Variants in TBC1D22B observed in about 807,000 individuals in gnomAD.
The protein encoded by TBC1D22B is TBC1 domain family member 22B, also known as chromosome 6 open reading frame 197.
Under a neutral mutation model 69.1 loss-of-function variants are expected in TBC1D22B, and 32 were observed. The ratio of observed to expected loss-of-function variants is 0.46; its 90% CI spans 0.35 to 0.62. The LOEUF is 0.62. Ranked by LOEUF, TBC1D22B falls within the 20% of genes least tolerant of loss-of-function variation. The pLI is 0.00. For synonymous variants in TBC1D22B, 206 were observed against 229.8 expected (o/e 0.90, Z 0.94); for missense variants, 462 against 630.9 (o/e 0.73, Z 2.87).
chr6:37,303,754 T>C (rs1444721189), intron 8 of TBC1D22B, among the ~76,000 whole-genome samples: 2 of 152,186 alleles, frequency 1.3e-5, no homozygotes, highest in Admixed American at 6.5e-5. Flanking sequence ...CCTCTTTATC[T>C]CCTGAGCTAA....
chr6:37,299,729 G>C (rs1767504198), intron 8 of TBC1D22B, among the ~76,000 whole-genome samples: 1 of 152,164 alleles, frequency 6.6e-6, no homozygotes, highest in African/African-American at 2.4e-5. Context: ...AAAAATACTG[G>C]CCGGGCATGG....
intron 8 of TBC1D22B, among the ~76,000 whole-genome samples, chr6:37,295,248 G>T (rs1460210378): frequency 1.3e-5 from 2 of 152,002 alleles, no homozygotes; most frequent in African/African-American, 4.8e-5. Flanking sequence ...GGGACTACAG[G>T]TGTGCGCCAC....
intron 8 of TBC1D22B, among the ~76,000 whole-genome samples, chr6:37,308,927 A>G (rs1212379927): frequency 7.4e-6 from 1 of 135,882 alleles, no homozygotes; most frequent in Non-Finnish European, 1.6e-5. Flanking sequence ...TAGGCAATAT[A>G]GTAAGATCCT....
At chr6:37,330,847 G>A (rs1425376406) in intron 12 of TBC1D22B, among the ~76,000 whole-genome samples, 197 bp from the exon 13 acceptor site, 1 of 152,094 alleles carries the variant, frequency 6.6e-6, no homozygotes, top group Non-Finnish European at 1.5e-5. Context: ...TAGAGAATCA[G>A]CAGAGGCTTT....
intron 7 of TBC1D22B, among the ~76,000 whole-genome samples, chr6:37,287,891 G>C (rs1229724325): frequency 6.6e-6 from 1 of 152,180 alleles, no homozygotes; most frequent in Non-Finnish European, 1.5e-5. Context: ...TATATATTTA[G>C]AAGTGGGAGT....
At chr6:37,270,779 A>T (rs1766461721) in intron 2 of TBC1D22B, among the ~76,000 whole-genome samples, 1 of 152,178 alleles carries the variant, frequency 6.6e-6, no homozygotes. Context: ...GGAGATGCAG[A>T]CCTAGGTTCT....
intron 12 of TBC1D22B, among the ~76,000 whole-genome samples, chr6:37,322,050 T>C (rs1279122241): frequency 6.6e-6 from 1 of 152,188 alleles, no homozygotes; most frequent in African/African-American, 2.4e-5. Context: ...TCTACCCATT[T>C]TGATGTGGGT....
intron 8 of TBC1D22B, among the ~76,000 whole-genome samples, chr6:37,305,873 C>T (rs1767702548): frequency 6.6e-6 from 1 of 152,128 alleles, no homozygotes; most frequent in South Asian, 2.1e-4. Flanking sequence ...TAAGAATTTT[C>T]CACTTTAATG....
intron 8 of TBC1D22B, among the ~76,000 whole-genome samples, chr6:37,293,154 AGCAACCTCC>A (rs1767246147): frequency 6.7e-6 from 1 of 150,332 alleles, no homozygotes; most frequent in Non-Finnish European, 1.5e-5. Flanking sequence ...CTCGGCTCAC[AGCAACCTCC>A]GCTGCCCGGG....
At chr6:37,287,110 C>A in intron 7 of TBC1D22B, 38 bp downstream of exon 7, 2 of 1,544,156 alleles carry the variant, frequency 1.3e-6, no homozygotes, top group Non-Finnish European at 1.8e-6. Flanking sequence ...CGCTTCTCCC[C>A]GCATAGTTCT....
At chr6:37,280,478 A>G (rs1339508938) in intron 3 of TBC1D22B, among the ~76,000 whole-genome samples, 4 of 152,180 alleles carry the variant, frequency 2.6e-5, no homozygotes, top group African/African-American at 9.7e-5. Flanking sequence ...GTTATTTTCC[A>G]TCACTGATTT....
chr6:37,273,202 A>C (rs2113726368), intron 2 of TBC1D22B, among the ~76,000 whole-genome samples: 1 of 151,470 alleles, frequency 6.6e-6, no homozygotes, highest in East Asian at 1.9e-4. Context: ...AAAAAAAAAA[A>C]AAACGAGAAT....
chr6:37,301,257 C>A (rs147791476), intron 8 of TBC1D22B, among the ~76,000 whole-genome samples: 1 of 152,208 alleles, frequency 6.6e-6, no homozygotes, highest in Non-Finnish European at 1.5e-5. Context: ...GGATGTACTT[C>A]GTGTGCCAGA....
At chr6:37,262,250 TTGAACTCTTGACCTCAAG>T (rs1766131264) in intron 1 of TBC1D22B, among the ~76,000 whole-genome samples, 1 of 152,044 alleles carries the variant, frequency 6.6e-6, no homozygotes, top group African/African-American at 2.4e-5. Context: ...CAGGCTGGTC[TTGAACTCTTGACCTCAAG>T]TGATCTCTTG....
intron 1 of TBC1D22B, among the ~76,000 whole-genome samples, chr6:37,262,871 T>C (rs140102699): frequency 1.1e-3 from 168 of 152,366 alleles, no homozygotes; most frequent in Middle Eastern, 3.4e-3. Flanking sequence ...ATGTTTGCAC[T>C]GTTTCAACTA....
intron 12 of TBC1D22B, among the ~76,000 whole-genome samples, chr6:37,329,515 C>T (rs537800907): frequency 6.6e-6 from 1 of 152,324 alleles, no homozygotes; most frequent in Admixed American, 6.5e-5. Flanking sequence ...AGCAGAGTTG[C>T]TGGATGAAAG....
At position 37,327,338 on chromosome 6, in the gene TBC1D22B, C is replaced by T. The variant is rs373947145; in HGVS notation, c.1390-3706C>T. Among the ~76,000 whole-genome samples, 43 of 135,086 alleles carry T rather than the reference C, an allele frequency of 3.2e-4. 5 individuals carry two copies. In the South Asian group the frequency reaches 3.5e-3, roughly 11 times the overall value. 88.6% of individuals were successfully genotyped at this position (135,086 alleles called of 152,430 possible). A position where few individuals can be genotyped will look rare whatever the true frequency, so the allele number is the denominator to read the frequency against. ...CTAAAAATGCAAAAAATTAGCCGGG[C>T]GTGGTGGTGGGCGCCTGTAGTCCCA... On this transcript the variant is annotated intron_variant, in intron 12 of 12. Coordinates refer to ENST00000373491, the MANE Select transcript of TBC1D22B (RefSeq NM_017772.4).
At chr6:37,290,578 A>G (rs1317951901) in intron 7 of TBC1D22B, among the ~76,000 whole-genome samples, 1 of 152,020 alleles carries the variant, frequency 6.6e-6, no homozygotes, top group South Asian at 2.1e-4. Flanking sequence ...GGCCTTTCCC[A>G]TGGGGCCCTG....
intron 2 of TBC1D22B, among the ~76,000 whole-genome samples, chr6:37,270,278 C>G (rs1213993468): frequency 6.6e-6 from 1 of 151,822 alleles, no homozygotes; most frequent in African/African-American, 2.4e-5. Flanking sequence ...ATGGTGAAAC[C>G]CTGTCTCTGC....
Sources: gnomAD v4.1 joint callset for allele counts (sites outside exome capture counted in the v4.1 genomes callset) on GRCh38, gnomAD v4.1.1 for gene constraint, MANE v1.5 for transcripts, NCBI Gene and HGNC (gene_info 2026-07-23, HGNC 2026-07-21) for gene names.